Variants in PRXL2A observed in about 807,000 individuals in gnomAD.
The protein encoded by PRXL2A is peroxiredoxin like 2A.
In PRXL2A, 26 loss-of-function variants were observed where a neutral mutation model predicts 25.6. The ratio of observed to expected loss-of-function variants is 1.02; its 90% CI spans 0.74 to 1.41. The LOEUF is 1.41. PRXL2A is among the 40% of genes most tolerant of loss of function. The pLI is 0.00. For missense variants in PRXL2A, 246 were observed against 273.9 expected, an observed-to-expected ratio of 0.90 and a Z score of 0.72; for synonymous variants, 98 against 102.9, an observed-to-expected ratio of 0.95 and a Z score of 0.29.
At chr10:80,425,577 A>G (rs1449675189) in intron 3 of PRXL2A, among the ~76,000 whole-genome samples, 1 of 152,166 alleles carries the variant, frequency 6.6e-6, no homozygotes, top group African/African-American at 2.4e-5. Flanking sequence ...GAGAGAAGGA[A>G]GGTTATGGCT....
chr10:80,431,861 C>T (rs1845273706), intron 5 of PRXL2A, 125 bp from the exon 6 acceptor site: 1 of 705,056 alleles, frequency 1.4e-6, no homozygotes, highest in East Asian at 2.7e-5. Context: ...AGGAGCCAGG[C>T]CATATTTGGA....
In PRXL2A at chr10:80,432,278, C is replaced by A. The variant is rs150850285; in HGVS notation, c.*179C>A. On this transcript the variant is annotated 3_prime_UTR_variant, in exon 6 of 6. Transcript: ENST00000606162. ...CCACTAAGGCAAAATAGCCCCAAAA[C>A]AAGACTGACAAAAATCTGAAAAACT... 4.2e-4 allele frequency: 215 copies of A among 510,282 alleles called. 3 individuals are homozygous for A. Among genetic ancestry groups the A allele is most frequent in the African/African-American group, 3.8e-3 (192 of 49,952 alleles). 31.6% of individuals were successfully genotyped at this position (510,282 alleles called of 1,614,324 possible).
At chr10:80,408,369 C>T (rs1043745391), upstream of PRXL2A, 4 of 152,050 alleles carry the variant, frequency 2.6e-5, no homozygotes, top group Non-Finnish European at 5.9e-5. Flanking sequence ...CGACCGAGCG[C>T]TGTGCGTAAA....
At chr10:80,408,385 C>T (rs935456532), upstream of PRXL2A, 4 of 152,060 alleles carry the variant, frequency 2.6e-5, no homozygotes, top group Non-Finnish European at 5.9e-5. Flanking sequence ...GTAAAAGGAC[C>T]GCTGGGGCAC....
chr10:80,408,418 AGGAGACCGC>A (rs1844341066), upstream of PRXL2A: 1 of 152,136 alleles, frequency 6.6e-6, no homozygotes, highest in Admixed American at 6.5e-5. Context: ...CACCGGAGCT[AGGAGACCGC>A]GGCCCGGAGG....
At chr10:80,426,055 C>T in intron 4 of PRXL2A, 49 bp downstream of exon 4, 5 of 1,609,970 alleles carry the variant, frequency 3.1e-6, no homozygotes, top group Non-Finnish European at 4.2e-6. Flanking sequence ...GGATTGTGCT[C>T]AGCTGTGTGA....
intron 1 of PRXL2A, chr10:80,420,090 G>C: frequency 2.0e-6 from 2 of 988,870 alleles, no homozygotes; most frequent in African/African-American, 1.7e-5. Context: ...GCATTGATGA[G>C]GAGGGGAATG....
chr10:80,427,572 T>TG, intron 5 of PRXL2A, 76 bp downstream of exon 5: 2 of 1,513,416 alleles, frequency 1.3e-6, no homozygotes, highest in South Asian at 1.2e-5. Flanking sequence ...GAAGCTGGAG[T>TG]GGGGGTTGAC....
At chr10:80,431,931 C>A in intron 5 of PRXL2A, 55 bp from the exon 6 acceptor site, 1 of 1,295,242 alleles carries the variant, frequency 7.7e-7, no homozygotes, top group South Asian at 1.2e-5. Context: ...CGATGCCTGT[C>A]TCATGAACGA....
At chr10:80,416,301 TGTG>T (rs1844659820) in intron 1 of PRXL2A, among the ~76,000 whole-genome samples, 1 of 152,206 alleles carries the variant, frequency 6.6e-6, no homozygotes, top group Non-Finnish European at 1.5e-5. Context: ...AGCATGCACT[TGTG>T]GTGAGCCTGC....
rs1443704349 is a variant in PRXL2A at position 80,435,475 on chromosome 10, T to G, written c.*3376T>G. ...TGGGCAGTCTGGGTGGGCCTGAGTT[T>G]CTGCTTTTTTTTTTTCTTTATGTAC... On this transcript the variant is annotated 3_prime_UTR_variant, in exon 6 of 6. Transcript: ENST00000606162. The G allele has an allele frequency of 6.6e-6, 1 of 151,942 alleles. No individual in the cohort carries two copies. Among genetic ancestry groups the G allele is most frequent in the Non-Finnish European group, 1.5e-5 (1 of 67,984 alleles). The allele number at this position is 151,942 out of a possible 1,614,324, so 9.4% of individuals were successfully genotyped here.
Position 80,420,447 on chromosome 10 carries a change from C to T in PRXL2A, c.-2-19C>T, listed in dbSNP as rs771768382. ...CCTGTGGGAGCAGTAACGCCTTCTT[C>T]CTTCTTCTCAATCTCCAGAAATGTC... On this transcript the variant is annotated intron_variant, in intron 1 of 5. Coordinates refer to ENST00000606162, the MANE Select transcript of PRXL2A (RefSeq NM_032333.5). The T allele has an allele frequency of 6.4e-7, 1 of 1,558,086 alleles. No individual in the cohort carries two copies. The highest frequency in any genetic ancestry group is 8.7e-7 in the Non-Finnish European group (1 of 1,148,596).
intron 1 of PRXL2A, among the ~76,000 whole-genome samples, chr10:80,411,538 G>A (rs1268680340): frequency 1.3e-5 from 2 of 152,250 alleles, no homozygotes; most frequent in African/African-American, 4.8e-5. Flanking sequence ...TCATGGACTG[G>A]AAGTTGGGAG....
chr10:80,408,169 T>TAA (rs11460235), upstream of PRXL2A, among the ~76,000 whole-genome samples: 3,843 of 141,212 alleles, frequency 0.027, 131 homozygotes, highest in South Asian at 0.14. Context: ...CCATGGAGGT[T>TAA]AAAAAAAAAA....
intron 5 of PRXL2A, among the ~76,000 whole-genome samples, chr10:80,430,156 A>G (rs1177178400): frequency 7.5e-6 from 1 of 133,754 alleles, no homozygotes; most frequent in Non-Finnish European, 1.5e-5. Context: ...GCTGGAGTGC[A>G]ATGGCACGAT....
At chr10:80,413,812 C>T (rs1174237974) in intron 1 of PRXL2A, 1 of 1,104,822 alleles carries the variant, frequency 9.1e-7, no homozygotes, top group Non-Finnish European at 1.1e-6. Flanking sequence ...CCTGCCCAGG[C>T]CCGTCTGCTC....
chr10:80,420,127 T>C, intron 1 of PRXL2A: 1 of 1,001,064 alleles, frequency 1.0e-6, no homozygotes, highest in Non-Finnish European at 1.2e-6. Flanking sequence ...ACAGGGGACA[T>C]AGCTCGGCAC....
At chr10:80,431,500 G>A (rs538163256) in intron 5 of PRXL2A, among the ~76,000 whole-genome samples, 12 of 151,748 alleles carry the variant, frequency 7.9e-5, no homozygotes, top group South Asian at 6.2e-4. Flanking sequence ...TTTTTTCACT[G>A]TATGAGAAGA....
intron 1 of PRXL2A, among the ~76,000 whole-genome samples, chr10:80,412,803 G>A (rs1052020999): frequency 1.3e-5 from 2 of 152,152 alleles, no homozygotes; most frequent in Non-Finnish European, 2.9e-5. Context: ...GCTGTGGAGG[G>A]CCCCATCAGC....
Sources: allele counts gnomAD v4.1 joint callset (sites outside exome capture counted in the v4.1 genomes callset), GRCh38; gene constraint gnomAD v4.1.1; transcripts MANE v1.5; gene names NCBI Gene and HGNC (gene_info 2026-07-23, HGNC 2026-07-21).